EXOC2: variants seen among roughly 807,000 people sequenced by gnomAD.
The protein encoded by EXOC2 is SEC5-like 1.
Under a neutral mutation model 131.8 loss-of-function variants are expected in EXOC2, and 70 were observed. The ratio of observed to expected loss-of-function variants is 0.53; its 90% CI spans 0.44 to 0.65. The LOEUF is 0.65. EXOC2 is among the 30% of genes least tolerant of loss of function. The pLI is 0.00. For synonymous variants in EXOC2, 411 were observed against 398.4 expected, an observed-to-expected ratio of 1.03 and a Z score of -0.38; for missense variants, 923 against 1,108.6, an observed-to-expected ratio of 0.83 and a Z score of 2.38.
intron 1 of EXOC2, among the ~76,000 whole-genome samples, chr6:682,402 G>C (rs546973801): frequency 6.6e-6 from 1 of 151,904 alleles, no homozygotes; most frequent in Non-Finnish European, 1.5e-5. Flanking sequence ...GGGTTTCTCT[G>C]TGTTAGCCAG....
At chr6:491,079 C>T (rs574123073) in intron 26 of EXOC2, 46 bp downstream of exon 26, 7 of 1,587,596 alleles carry the variant, frequency 4.4e-6, no homozygotes, top group South Asian at 1.1e-5. Flanking sequence ...AGTAAGACAA[C>T]CTTTATTTTT....
At chr6:629,982 T>C (rs768236783) in intron 3 of EXOC2, 21 bp from the exon 4 acceptor site, 2 of 1,612,770 alleles carry the variant, frequency 1.2e-6, no homozygotes, top group Non-Finnish European at 1.7e-6. Flanking sequence ...GAGGAGCATA[T>C]GCTTAATAAG....
intron 23 of EXOC2, among the ~76,000 whole-genome samples, chr6:529,849 G>A (rs1400926264): frequency 6.6e-6 from 1 of 152,124 alleles, no homozygotes; most frequent in Non-Finnish European, 1.5e-5. Flanking sequence ...AGTTAATGTC[G>A]TTACATGCTA....
At chr6:501,223 C>A (rs866180493) in intron 23 of EXOC2, among the ~76,000 whole-genome samples, 2 of 12,358 alleles carry the variant, frequency 1.6e-4, no homozygotes, top group Non-Finnish European at 3.5e-4. Flanking sequence ...TTATATATAT[C>A]TATATATATT....
chr6:624,868 C>T (rs1336064163), intron 4 of EXOC2, among the ~76,000 whole-genome samples: 1 of 152,172 alleles, frequency 6.6e-6, no homozygotes, highest in African/African-American at 2.4e-5. Flanking sequence ...TTCTACATTT[C>T]CAAGTGAAGT....
At chr6:642,220 T>A (rs890114620) in intron 1 of EXOC2, among the ~76,000 whole-genome samples, 1 of 152,250 alleles carries the variant, frequency 6.6e-6, no homozygotes, top group Non-Finnish European at 1.5e-5. Flanking sequence ...TGATCCCTCC[T>A]TCTATTAAAC....
chr6:652,037 CAG>C (rs1173815286), intron 1 of EXOC2, among the ~76,000 whole-genome samples: 2 of 143,378 alleles, frequency 1.4e-5, no homozygotes, highest in Admixed American at 7.1e-5. Flanking sequence ...GCCTGGGCGA[CAG>C]AGTGAGATTC....
At chr6:546,671 C>T (rs1254204190) in intron 22 of EXOC2, among the ~76,000 whole-genome samples, 4 of 152,204 alleles carry the variant, frequency 2.6e-5, no homozygotes, top group African/African-American at 7.2e-5. Context: ...TTCACTTCCA[C>T]TTTATGAATA....
intron 1 of EXOC2, among the ~76,000 whole-genome samples, chr6:670,492 T>A (rs1039865205): frequency 7.6e-4 from 110 of 144,974 alleles, no homozygotes; most frequent in African/African-American, 2.4e-3. Context: ...TTTTTTAATT[T>A]AAAAAAAAAA....
At chr6:527,377 T>C (rs1406238863) in intron 23 of EXOC2, among the ~76,000 whole-genome samples, 4 of 152,276 alleles carry the variant, frequency 2.6e-5, no homozygotes, top group Admixed American at 1.3e-4. Context: ...ATCTGCAAGA[T>C]ACATTCCAAA....
intron 23 of EXOC2, among the ~76,000 whole-genome samples, chr6:518,207 T>C (rs1342582131): frequency 6.6e-6 from 1 of 152,206 alleles, no homozygotes; most frequent in African/African-American, 2.4e-5. Context: ...TGTGTATGGA[T>C]GAAATGATCG....
intron 7 of EXOC2, among the ~76,000 whole-genome samples, chr6:605,047 G>A (rs1760326311): frequency 6.6e-6 from 1 of 152,056 alleles, no homozygotes; most frequent in Non-Finnish European, 1.5e-5. Flanking sequence ...TAGAAGTAAA[G>A]TACAAGTTTT....
Position 651,746 on chromosome 6 carries a change from C to G in EXOC2, c.-43-13885G>C, listed in dbSNP as rs1223970693. 6.0e-5 allele frequency among the ~76,000 whole-genome samples: 9 copies of G among 151,008 alleles called. No individual in the cohort carries two copies. The East Asian group carries it at 1.8e-3, about 30-fold the overall frequency. ...AGGGCAGAAGATTTTTTAAATGAAC[C>G]AAAAAATGGCTTGATTAAAAATCTT... On this transcript the variant is annotated intron_variant, in intron 1 of 27. Coordinates refer to ENST00000230449, the MANE Select transcript of EXOC2 (RefSeq NM_018303.6).
Position 529,240 on chromosome 6 carries a change from G to A in EXOC2, c.2380+3229C>T, listed in dbSNP as rs561169590. Among the ~76,000 whole-genome samples the A allele has an allele frequency of 1.2e-4, 19 of 152,358 alleles. 1 individual carries two copies. The South Asian group carries it at 3.5e-3, about 28-fold the overall frequency. ...CCTAACGCCGCCCTTCAGGGAATGG[G>A]CCTTCATAGATGTCTGTTTTCCGAA... is the stretch of plus-strand genomic sequence containing the variant. On this transcript the variant is annotated intron_variant, in intron 23 of 27. Transcript: ENST00000230449.
intron 5 of EXOC2, 53 bp downstream of exon 5, chr6:619,377 T>C (rs1373115106): frequency 1.4e-6 from 2 of 1,417,056 alleles, no homozygotes; most frequent in East Asian, 4.6e-5. Context: ...TGTAATTCCA[T>C]CTTTAGCATC....
chr6:622,717 C>T (rs953212388), intron 4 of EXOC2, among the ~76,000 whole-genome samples: 6 of 152,298 alleles, frequency 3.9e-5, no homozygotes, highest in African/African-American at 1.4e-4. Flanking sequence ...AGAATGTACA[C>T]AGCACATACA....
intron 23 of EXOC2, among the ~76,000 whole-genome samples, chr6:522,494 C>T (rs7773635): frequency 0.052 from 7,706 of 147,914 alleles, 587 homozygotes; most frequent in East Asian, 0.32. Flanking sequence ...GTGTGGGGAG[C>T]GCTGAACTGG....
chr6:606,518 CAA>C (rs1476899210), intron 7 of EXOC2, among the ~76,000 whole-genome samples: 1 of 152,186 alleles, frequency 6.6e-6, no homozygotes, highest in Non-Finnish European at 1.5e-5. Context: ...AAAAACTTAT[CAA>C]GAGTGTTTGC....
At position 564,170 on chromosome 6, in the gene EXOC2, T is replaced by C. The variant is rs1757846169; in HGVS notation, c.1668-16A>G. 1 of 1,612,924 alleles carries C rather than the reference T, an allele frequency of 6.2e-7. No individual in the cohort carries two copies. Among genetic ancestry groups the C allele is most frequent in the African/African-American group, 1.3e-5 (1 of 74,866 alleles). ...ATGAGTAAGTCTGCGAACAAACACA[T>C]CCAAACAGAAGTGAGCAGAGTGGGA... On this transcript the variant is annotated splice_polypyrimidine_tract_variant and intron_variant, in intron 15 of 27. Transcript: ENST00000230449.
Sources: allele counts gnomAD v4.1 joint callset (sites outside exome capture counted in the v4.1 genomes callset), GRCh38; gene constraint gnomAD v4.1.1; transcripts MANE v1.5; gene names NCBI Gene and HGNC (gene_info 2026-07-23, HGNC 2026-07-21).